Variants in ALS2 observed in about 807,000 individuals in gnomAD.
The protein encoded by ALS2 is alsin Rho guanine nucleotide exchange factor ALS2.
ALS2 carries 117 observed loss-of-function variants against 203.4 expected under a neutral mutation model. That is an observed-to-expected ratio of 0.58 (90% CI 0.50 to 0.67). The LOEUF (loss-of-function observed/expected upper bound fraction) is 0.67, where lower values mean the gene tolerates loss of function less well. Ranked by LOEUF, ALS2 falls within the 30% of genes least tolerant of loss-of-function variation. The pLI is 0.00. For missense variants in ALS2, 1,715 were observed against 1,989.4 expected, an observed-to-expected ratio of 0.86 and a Z score of 2.62; for synonymous variants, 718 against 725.9, an observed-to-expected ratio of 0.99 and a Z score of 0.17.
intron 1 of ALS2, among the ~76,000 whole-genome samples, chr2:201,778,905 T>G (rs1334755407): frequency 6.6e-6 from 1 of 152,176 alleles, no homozygotes; most frequent in Non-Finnish European, 1.5e-5. Context: ...TCTGCCTTTC[T>G]TCCTAGTTTT....
intron 31 of ALS2, 75 bp from the exon 32 acceptor site, chr2:201,704,678 A>G: frequency 1.3e-6 from 2 of 1,537,424 alleles, no homozygotes; most frequent in Non-Finnish European, 1.8e-6. Flanking sequence ...TTTTTTGACA[A>G]TATTCCCTCC....
chr2:201,730,444 A>G (rs1691484660), intron 13 of ALS2, among the ~76,000 whole-genome samples: 1 of 152,230 alleles, frequency 6.6e-6, no homozygotes, highest in Non-Finnish European at 1.5e-5. Flanking sequence ...GGAAACTGTC[A>G]GACTCACAGT....
intron 8 of ALS2, among the ~76,000 whole-genome samples, 178 bp downstream of exon 8, chr2:201,749,534 G>A (rs1692889930): frequency 1.3e-5 from 2 of 151,894 alleles, no homozygotes; most frequent in African/African-American, 2.4e-5. Context: ...CATAAAAAAC[G>A]GATATTTAGC....
At chr2:201,704,902 A>C (rs1263329046) in intron 31 of ALS2, among the ~76,000 whole-genome samples, 1 of 152,194 alleles carries the variant, frequency 6.6e-6, no homozygotes, top group Non-Finnish European at 1.5e-5. Flanking sequence ...AGATGTGATT[A>C]TATGGATAAA....
chr2:201,755,256 G>C (rs1441308406), intron 5 of ALS2, among the ~76,000 whole-genome samples: 1 of 151,820 alleles, frequency 6.6e-6, no homozygotes, highest in Non-Finnish European at 1.5e-5. Context: ...AACATAGCAA[G>C]ACACTGTCTC....
intron 24 of ALS2, among the ~76,000 whole-genome samples, chr2:201,717,583 T>G (rs576347893): frequency 6.6e-6 from 1 of 151,586 alleles, no homozygotes; most frequent in Admixed American, 6.6e-5. Flanking sequence ...AGACTACAGA[T>G]TTAGTCATCT....
intron 12 of ALS2, among the ~76,000 whole-genome samples, chr2:201,736,024 C>T (rs796614497): frequency 2.2e-4 from 34 of 152,206 alleles, no homozygotes; most frequent in African/African-American, 7.9e-4. Flanking sequence ...ATTTCACCAA[C>T]ATTATAGGTT....
At chr2:201,758,785 T>TG (rs1491448163) in intron 4 of ALS2, among the ~76,000 whole-genome samples, 1,524 of 151,842 alleles carry the variant, frequency 0.01, 14 homozygotes, top group African/African-American at 0.032. Context: ...TGTGTGTGTG[T>TG]TTGTTTGTAT....
chr2:201,714,872 G>A (rs936538347), intron 25 of ALS2, among the ~76,000 whole-genome samples: 4 of 152,142 alleles, frequency 2.6e-5, no homozygotes, highest in Non-Finnish European at 5.9e-5. Flanking sequence ...ACAACTTTAT[G>A]GGCTTGTTTC....
intron 27 of ALS2, among the ~76,000 whole-genome samples, chr2:201,708,904 A>G (rs150974830): frequency 2.1e-4 from 32 of 152,278 alleles, no homozygotes; most frequent in African/African-American, 5.1e-4. Context: ...AGGTCAGGAC[A>G]CTTACTTTCA....
At chr2:201,723,586 C>T in intron 21 of ALS2, 145 bp from the exon 22 acceptor site, 2 of 710,322 alleles carry the variant, frequency 2.8e-6, no homozygotes, top group South Asian at 1.6e-5. Context: ...ACTTTGTCTC[C>T]TCAAATATGG....
chr2:201,726,025 T>A (rs1324377395), intron 19 of ALS2, among the ~76,000 whole-genome samples: 1 of 152,220 alleles, frequency 6.6e-6, no homozygotes, highest in Non-Finnish European at 1.5e-5. Flanking sequence ...AACTTATTTT[T>A]AAAAAGTCAT....
intron 1 of ALS2, among the ~76,000 whole-genome samples, chr2:201,769,618 T>C (rs1000804834): frequency 3.3e-5 from 5 of 152,198 alleles, no homozygotes; most frequent in Admixed American, 3.3e-4. Context: ...ACAAATATCA[T>C]GGCCCATCAG....
intron 12 of ALS2, among the ~76,000 whole-genome samples, chr2:201,737,878 C>A (rs534301051): frequency 4.0e-4 from 61 of 151,634 alleles, no homozygotes; most frequent in Non-Finnish European, 1.8e-4. Flanking sequence ...GCCAAGATTG[C>A]GCCACTGCAT....
At chr2:201,701,984 T>C (rs1689416278) in intron 33 of ALS2, 95 bp from the exon 34 acceptor site, 3 of 1,129,170 alleles carry the variant, frequency 2.7e-6, no homozygotes, top group Admixed American at 1.8e-5. Context: ...AAATCCCTTA[T>C]GAACAAATTC....
chr2:201,737,288 A>G (rs1038508171), intron 12 of ALS2, among the ~76,000 whole-genome samples: 4 of 152,232 alleles, frequency 2.6e-5, no homozygotes, highest in African/African-American at 9.6e-5. Context: ...ATTTTATATC[A>G]GGGACTTGAA....
intron 4 of ALS2, chr2:201,760,601 A>G: frequency 8.1e-7 from 1 of 1,227,000 alleles, no homozygotes; most frequent in Non-Finnish European, 1.0e-6. Context: ...AGCCATAGAA[A>G]AAAAGTACTA....
At position 201,724,090 on chromosome 2, in the gene ALS2, G is replaced by A. The variant is rs531842042; in HGVS notation, c.3512+205C>T. On this transcript the variant is annotated intron_variant, in intron 21 of 33. Transcript: ENST00000264276. ...CTGAGATCGCACCACTCCAGCCTGGGTGACAGAGTGAAACCCTGTCTCAAA... is the reference window on the plus strand; with the variant it reads ...CTGAGATCGCACCACTCCAGCCTGGATGACAGAGTGAAACCCTGTCTCAAA... Among the ~76,000 whole-genome samples the A allele has an allele frequency of 5.9e-5, 9 of 152,228 alleles. No individual in the cohort carries two copies. In the Middle Eastern group the frequency reaches 0.01, roughly 173 times the overall value.
rs935828317 is a variant in ALS2, at chr2:201,704,145, C to A, written c.4912G>T (p.Gly1638Cys). 1 of 1,613,012 alleles carries A rather than the reference C, an allele frequency of 6.2e-7. No individual in the cohort carries two copies. The highest frequency in any genetic ancestry group is 8.5e-7 in the Non-Finnish European group (1 of 1,179,198). ...MDPYLQHGEQ[G>C]IMFTTLKACY... ...ACCTTCAAGGTGGTGAACATTATAC[C>A]CTGTTCCCCATGCTGAAGATAGGGG... Residue 1638 changes from glycine to cysteine, a missense_variant, in exon 33 of 34, where the codon GGT (glycine) becomes TGT (cysteine). Physicochemically the swap from Gly to Cys is radical, Grantham distance 159. Transcript: ENST00000264276.
Sources: gnomAD v4.1 joint callset for allele counts (sites outside exome capture counted in the v4.1 genomes callset) on GRCh38, gnomAD v4.1.1 for gene constraint, MANE v1.5 for transcripts, NCBI Gene and HGNC (gene_info 2026-07-23, HGNC 2026-07-21) for gene names.